MARVELD2: variants seen among roughly 807,000 people sequenced by gnomAD.
The protein encoded by MARVELD2 is MARVEL domain-containing protein 2.
MARVELD2 carries 49 observed loss-of-function variants against 57.6 expected under a neutral mutation model. The ratio of observed to expected loss-of-function variants is 0.85; its 90% CI spans 0.68 to 1.08. The LOEUF is 1.08. MARVELD2 is among the 50% of genes least tolerant of loss of function. The pLI is 0.00. For missense variants in MARVELD2, 606 were observed against 701.1 expected (o/e 0.86, Z 1.53); for synonymous variants, 238 against 258.8 (o/e 0.92, Z 0.77).
At chr5:69,430,386 T>A (rs958074408) in intron 3 of MARVELD2, among the ~76,000 whole-genome samples, 11 of 152,040 alleles carry the variant, frequency 7.2e-5, no homozygotes, top group East Asian at 3.9e-4. Context: ...TATATTTTTT[T>A]AATTTTTTTT....
chr5:69,425,242 G>T (rs1727934884), intron 3 of MARVELD2, among the ~76,000 whole-genome samples: 1 of 132,694 alleles, frequency 7.5e-6, no homozygotes, highest in African/African-American at 2.6e-5. Flanking sequence ...TGGGGACTGT[G>T]GTGGGGTCGG....
At chr5:69,427,404 CT>C (rs913822973) in intron 3 of MARVELD2, among the ~76,000 whole-genome samples, 217 of 140,356 alleles carry the variant, frequency 1.5e-3, no homozygotes, top group Middle Eastern at 3.7e-3. Flanking sequence ...ATATCTTTTC[CT>C]TTTTTTTTTT....
At chr5:69,427,540 TTCTC>T (rs1766828084) in intron 3 of MARVELD2, among the ~76,000 whole-genome samples, 4 of 152,096 alleles carry the variant, frequency 2.6e-5, no homozygotes, top group Non-Finnish European at 4.4e-5. Context: ...CCTCCCTTAG[TTCTC>T]TCTATTTCTA....
At chr5:69,422,914 G>A (rs930561168) in intron 2 of MARVELD2, among the ~76,000 whole-genome samples, 3 of 152,270 alleles carry the variant, frequency 2.0e-5, no homozygotes, top group African/African-American at 7.2e-5. Flanking sequence ...AAATATCGGG[G>A]ATGAATTTCC....
At chr5:69,435,752 CAAAAAAAAAAAAAAA>C (rs35281029) in intron 5 of MARVELD2, among the ~76,000 whole-genome samples, 1 of 64,788 alleles carries the variant, frequency 1.5e-5, no homozygotes, top group Non-Finnish European at 2.7e-5. Flanking sequence ...GACCCTGTCT[CAAAAAAAAAAAAAAA>C]AAAAAAAAAA....
intron 5 of MARVELD2, among the ~76,000 whole-genome samples, chr5:69,434,617 A>G (rs1371180308): frequency 6.6e-6 from 1 of 152,074 alleles, no homozygotes; most frequent in Non-Finnish European, 1.5e-5. Context: ...GCTCTTCCGC[A>G]CCCCCCACAT....
chr5:69,438,682 C>T (rs1447464445), intron 5 of MARVELD2, among the ~76,000 whole-genome samples: 1 of 151,922 alleles, frequency 6.6e-6, no homozygotes, highest in African/African-American at 2.4e-5. Context: ...GTCAGGAGTT[C>T]GAGACCAGCC....
intron 5 of MARVELD2, among the ~76,000 whole-genome samples, chr5:69,440,133 T>C (rs888863039): frequency 5.9e-5 from 9 of 152,216 alleles, no homozygotes; most frequent in Non-Finnish European, 7.3e-5. Flanking sequence ...GAGATCATTA[T>C]GGTTTTATTT....
Position 69,433,077 on chromosome 5 carries a change from A to AT in MARVELD2, c.1489dup (p.Ser497PhefsTer8). 6.2e-7 allele frequency: 1 copy of AT among 1,612,920 alleles called. No homozygotes were observed. The highest frequency in any genetic ancestry group is 8.5e-7 in the Non-Finnish European group (1 of 1,179,626). The stretch of plus-strand genomic sequence containing the variant: ...GCAGTGATGAGCAGATTGCCACATC[A>AT]TTCGGAAAGCCGACAGGTTAGTATG... On this transcript the variant is annotated frameshift_variant, in exon 5 of 7. Transcript: ENST00000325631. LOFTEE classifies it high-confidence loss of function.
chr5:69,416,852 G>A (rs1436789718), intron 1 of MARVELD2, among the ~76,000 whole-genome samples: 2 of 152,076 alleles, frequency 1.3e-5, no homozygotes, highest in African/African-American at 4.8e-5. Flanking sequence ...TTGCCTTCTG[G>A]AGTGTACTCT....
At chr5:69,437,094 C>G (rs1767167400) in intron 5 of MARVELD2, among the ~76,000 whole-genome samples, 1 of 150,402 alleles carries the variant, frequency 6.6e-6, no homozygotes, top group South Asian at 2.1e-4. Context: ...GAGGCAGAGA[C>G]AAGAGAATTG....
At chr5:69,430,698 TA>T (rs749322938) in intron 3 of MARVELD2, among the ~76,000 whole-genome samples, 4 of 151,674 alleles carry the variant, frequency 2.6e-5, no homozygotes, top group African/African-American at 9.7e-5. Flanking sequence ...CACATCCGGC[TA>T]ATTTTTGTAT....
intron 5 of MARVELD2, among the ~76,000 whole-genome samples, chr5:69,434,389 GTGGAGT>G: frequency 6.6e-6 from 1 of 151,940 alleles, no homozygotes; most frequent in Non-Finnish European, 1.5e-5. Context: ...AACCCAGGAG[GTGGAGT>G]TTGCAGTGAG....
At chr5:69,421,851 T>C (rs908425480) in intron 2 of MARVELD2, among the ~76,000 whole-genome samples, 2 of 151,092 alleles carry the variant, frequency 1.3e-5, no homozygotes, top group Non-Finnish European at 2.9e-5. Flanking sequence ...GCAGTGGCAC[T>C]GTTGCGGGAA....
At chr5:69,432,809 T>C (rs1401729650) in intron 4 of MARVELD2, 113 bp from the exon 5 acceptor site, 3 of 1,533,496 alleles carry the variant, frequency 2.0e-6, no homozygotes, top group Non-Finnish European at 2.7e-6. Context: ...ATCTGAGAGG[T>C]AATGTATTGA....
intron 3 of MARVELD2, among the ~76,000 whole-genome samples, chr5:69,425,413 T>TA (rs10706532): frequency 0.36 from 50,926 of 141,682 alleles, 10,006 homozygotes; most frequent in Non-Finnish European, 0.47. Context: ...ATATATATAT[T>TA]AAAAAAAAAA....
chr5:69,431,229 C>A (rs990655479), intron 3 of MARVELD2, among the ~76,000 whole-genome samples: 1 of 151,884 alleles, frequency 6.6e-6, no homozygotes, highest in East Asian at 1.9e-4. Context: ...ATTGTCCTGC[C>A]TCAGCCTCCC....
intron 5 of MARVELD2, among the ~76,000 whole-genome samples, chr5:69,436,142 A>G (rs1046961555): frequency 6.6e-6 from 1 of 152,132 alleles, no homozygotes; most frequent in Non-Finnish European, 1.5e-5. Context: ...TGTCTTTTTA[A>G]AAGAGGCTGT....
Position 69,419,891 on chromosome 5 carries a change from T to G in MARVELD2, c.506T>G (p.Val169Gly). The G allele has an allele frequency of 1.9e-6, 3 of 1,614,140 alleles. No individual in the cohort carries two copies. The highest frequency in any genetic ancestry group is 2.5e-6 in the Non-Finnish European group (3 of 1,180,038). ...TCTCTAGACCGACACACACAAACAG[T>G]TCGAACATACAGTGAGAAGGTGGAG... ...YGSLDRHTQTVRTYSEKVEEY... is the reference protein window; with the variant it reads ...YGSLDRHTQTGRTYSEKVEEY... The change falls in exon 2 of 7, where the codon GTT becomes GGT. Residue 169 changes from valine (V) to glycine (G), a missense_variant. Val to Gly is a moderately radical substitution (Grantham distance 109). Coordinates refer to ENST00000325631, the MANE Select transcript of MARVELD2 (RefSeq NM_001038603.3).
Sources: allele counts gnomAD v4.1 joint callset (sites outside exome capture counted in the v4.1 genomes callset), GRCh38; gene constraint gnomAD v4.1.1; transcripts MANE v1.5; gene names NCBI Gene and HGNC (gene_info 2026-07-23, HGNC 2026-07-21).